The following REPS2 variants were observed in gnomAD, a reference collection of about 807,000 sequenced individuals.
REPS2 encodes the protein ralBP1-associated Eps domain-containing protein 2.
REPS2 carries 23 observed loss-of-function variants against 53.6 expected under a neutral mutation model. The observed-to-expected ratio is 0.43, with a 90% CI of 0.31 to 0.61. The LOEUF (loss-of-function observed/expected upper bound fraction) is 0.61, where lower values mean the gene tolerates loss of function less well. Among genes scored for constraint, REPS2 ranks in the 20% least tolerant of loss-of-function variants. The pLI, the probability that REPS2 is intolerant of heterozygous loss-of-function variation, is 0.11. For synonymous variants in REPS2, 238 were observed against 218.6 expected, an observed-to-expected ratio of 1.09 and a Z score of -0.78; for missense variants, 446 against 534.9, an observed-to-expected ratio of 0.83 and a Z score of 1.64.
At chrX:17,074,381 T>C (rs1569161781) in intron 12 of REPS2, 2 of 348,740 alleles carry the variant, frequency 5.7e-6, no homozygotes, top group East Asian at 9.3e-5. Context: ...ATGAATGCCC[T>C]ACGGCCCCTC....
At chrX:17,023,573 T>C in intron 3 of REPS2, among the ~76,000 whole-genome samples, 1 of 111,962 alleles carries the variant, frequency 8.9e-6, no homozygotes, top group African/African-American at 3.2e-5. Context: ...ATATGGATAG[T>C]TAGGGGAGGT....
At chrX:17,027,560 GCTCCT>G (rs773931688) in intron 4 of REPS2, among the ~76,000 whole-genome samples, 1 of 110,384 alleles carries the variant, frequency 9.1e-6, no homozygotes, top group South Asian at 3.9e-4. Context: ...CATTTCCCTG[GCTCCT>G]AGGAATAGAG....
chrX:16,951,559 A>C (rs375659171), intron 1 of REPS2, among the ~76,000 whole-genome samples: 2,003 of 37,345 alleles, frequency 0.054, 70 homozygotes, highest in Admixed American at 0.16. Flanking sequence ...ACACACACAC[A>C]CCCCCGCTAC....
At chrX:17,063,392 A>T (rs1460191918) in intron 9 of REPS2, among the ~76,000 whole-genome samples, 2 of 111,519 alleles carry the variant, frequency 1.8e-5, no homozygotes, top group Non-Finnish European at 3.8e-5. Context: ...ATTTCTTGTG[A>T]CTGTGCATGA....
intron 14 of REPS2, among the ~76,000 whole-genome samples, chrX:17,127,271 T>C (rs924217282): frequency 8.9e-6 from 1 of 112,198 alleles, no homozygotes; most frequent in African/African-American, 3.2e-5. Context: ...TCCCCAGATA[T>C]GAGTTACCTC....
rs1175675334 is a variant in REPS2, at chrX:17,124,856, CT to C, written c.1579-8950del. On this transcript the variant is annotated intron_variant, in intron 14 of 17. Coordinates refer to ENST00000357277, the MANE Select transcript of REPS2 (RefSeq NM_004726.3). ...TTGGCAAAGTTCTACAGATGGACTT[CT>C]TTTTTTTTTTTTTTTTTGAGACAGA... Among the ~76,000 whole-genome samples, 482 of 90,997 alleles carry C rather than the reference CT, an allele frequency of 5.3e-3. 1 individual carries two copies. The highest frequency in any genetic ancestry group is 8.4e-3 in the Non-Finnish European group (381 of 45,556). 79.0% of individuals were successfully genotyped at this position (90,997 alleles called of 115,157 possible).
At chrX:17,080,392 G>A (rs1375900100) in intron 13 of REPS2, among the ~76,000 whole-genome samples, 2 of 108,111 alleles carry the variant, frequency 1.8e-5, no homozygotes, top group Non-Finnish European at 3.8e-5. Context: ...CTCCTTCACA[G>A]GTATGAGCCT....
chrX:17,191,200 A>G, the REPS2 span, among the ~76,000 whole-genome samples: 1 of 112,304 alleles, frequency 8.9e-6, no homozygotes, highest in Non-Finnish European at 1.9e-5. Flanking sequence ...ATACTTACAA[A>G]TCACAATTCT....
the REPS2 span, among the ~76,000 whole-genome samples, chrX:17,193,032 T>C: frequency 8.9e-6 from 1 of 112,692 alleles, no homozygotes; most frequent in South Asian, 3.7e-4. Context: ...ACGTTTGAGT[T>C]TTTGGCTATT....
intron 1 of REPS2, among the ~76,000 whole-genome samples, chrX:16,973,061 C>T (rs899140879): frequency 9.8e-5 from 11 of 111,727 alleles, no homozygotes; most frequent in African/African-American, 3.6e-4. Context: ...TCTTTAATGA[C>T]ACCTTTGAAG....
At chrX:17,081,973 A>C (rs1170320019) in intron 13 of REPS2, among the ~76,000 whole-genome samples, 1 of 112,311 alleles carries the variant, frequency 8.9e-6, no homozygotes, top group Non-Finnish European at 1.9e-5. Context: ...GAAAAATCAC[A>C]CTAAGCTGGT....
intron 4 of REPS2, among the ~76,000 whole-genome samples, chrX:17,028,431 C>CTATG (rs1217794892): frequency 8.0e-5 from 9 of 112,463 alleles, no homozygotes; most frequent in African/African-American, 2.9e-4. Context: ...TATGTGCTCT[C>CTATG]TATGTATGTA....
chrX:17,171,397 G>A, the REPS2 span, among the ~76,000 whole-genome samples: 1 of 112,051 alleles, frequency 8.9e-6, no homozygotes, highest in Non-Finnish European at 1.9e-5. Flanking sequence ...GAAGCATAAC[G>A]CTAATTTTAT....
At chrX:17,065,569 TTTTG>T (rs759417393) in intron 9 of REPS2, among the ~76,000 whole-genome samples, 3 of 111,239 alleles carry the variant, frequency 2.7e-5, no homozygotes, top group Non-Finnish European at 3.8e-5. Context: ...CTTCTAAGAG[TTTTG>T]TTTGTTTGTT....
At chrX:17,167,256 G>A in the REPS2 span, among the ~76,000 whole-genome samples, 1 of 112,042 alleles carries the variant, frequency 8.9e-6, no homozygotes, top group African/African-American at 3.2e-5. Flanking sequence ...AGGATTATGA[G>A]GGAGCACTAA....
intron 1 of REPS2, among the ~76,000 whole-genome samples, chrX:17,000,938 T>TG (rs1235386168): frequency 8.9e-6 from 1 of 111,974 alleles, no homozygotes; most frequent in African/African-American, 3.2e-5. Context: ...TTCCAACCAC[T>TG]GATGTAATGG....
At chrX:17,027,109 A>G (rs1428831752) in intron 4 of REPS2, among the ~76,000 whole-genome samples, 1 of 111,887 alleles carries the variant, frequency 8.9e-6, no homozygotes, top group Non-Finnish European at 1.9e-5. Context: ...CATGTTTTAA[A>G]TCTTCAATTT....
chrX:16,953,405 T>C (rs1456846940), intron 1 of REPS2, among the ~76,000 whole-genome samples: 1 of 111,127 alleles, frequency 9.0e-6, no homozygotes, highest in East Asian at 2.8e-4. Context: ...CCAGCTAGAG[T>C]GAAAGCCTGC....
intron 14 of REPS2, among the ~76,000 whole-genome samples, chrX:17,128,289 C>A (rs2063242596): frequency 9.0e-6 from 1 of 110,912 alleles, no homozygotes; most frequent in South Asian, 3.9e-4. Context: ...CTGACCTTGG[C>A]CTGATCCACA....
Sources: allele counts gnomAD v4.1 joint callset (sites outside exome capture counted in the v4.1 genomes callset), GRCh38; gene constraint gnomAD v4.1.1; transcripts MANE v1.5; gene names NCBI Gene and HGNC (gene_info 2026-07-23, HGNC 2026-07-21).